GLIS1: variants seen among roughly 807,000 people sequenced by gnomAD.
GLIS1 encodes GLIS family zinc finger 1.
GLIS1 carries 24 observed loss-of-function variants against 63.8 expected under a neutral mutation model. That is an observed-to-expected ratio of 0.38 (90% CI 0.27 to 0.53). The LOEUF (loss-of-function observed/expected upper bound fraction) is 0.53, where lower values mean the gene tolerates loss of function less well. Among genes scored for constraint, GLIS1 ranks in the 20% least tolerant of loss-of-function variants. The probability of loss-of-function intolerance (pLI) is 0.85; values close to 1 mark genes in which losing one functional copy is unlikely to be tolerated. For synonymous variants in GLIS1, 450 were observed against 482.5 expected (o/e 0.93, Z 0.88); for missense variants, 1,036 against 1,074.1 (o/e 0.96, Z 0.50).
At chr1:53,737,698 G>A (rs1245136753) in intron 2 of GLIS1, 108 bp downstream of exon 2, 7 of 1,074,874 alleles carry the variant, frequency 6.5e-6, no homozygotes, top group Non-Finnish European at 2.4e-6. Flanking sequence ...GAGAAACTGA[G>A]GAACTCCGAA....
intron 2 of GLIS1, among the ~76,000 whole-genome samples, chr1:53,710,687 C>T (rs1646637914): frequency 6.6e-6 from 1 of 152,182 alleles, no homozygotes; most frequent in African/African-American, 2.4e-5. Flanking sequence ...GATGCACTCT[C>T]CGAGCTCCTC....
In GLIS1 at chr1:53,543,009, TCAGTGTAAGCCCCCCAAAACC is replaced by T. The variant is rs542869057; in HGVS notation, c.1321-13078_1321-13058del. Reference sequence around the variant, plus strand: ...TAAATGACTCTACGGGCCCCTTGGTTCAGTGTAAGCCCCCCAAAACCCAGAATTTGCATGCAACTATGAGAG... The same window carrying T: ...TAAATGACTCTACGGGCCCCTTGGTTCAGAATTTGCATGCAACTATGAGAG... On this transcript the variant is annotated intron_variant, in intron 4 of 10. Transcript: ENST00000628545. Among the ~76,000 whole-genome samples the T allele has an allele frequency of 4.9e-3, 748 of 152,306 alleles. 6 individuals are homozygous for T. The highest frequency in any genetic ancestry group is 0.018 in the African/African-American group (730 of 41,550).
chr1:53,633,478 T>G (rs1344198715), intron 2 of GLIS1, among the ~76,000 whole-genome samples: 1 of 130,108 alleles, frequency 7.7e-6, no homozygotes, highest in African/African-American at 2.8e-5. Flanking sequence ...GGCTGAGGGG[T>G]GTGTGAATGA....
intron 4 of GLIS1, among the ~76,000 whole-genome samples, chr1:53,550,680 C>T (rs17108782): frequency 0.22 from 32,825 of 151,842 alleles, 3,741 homozygotes; most frequent in Middle Eastern, 0.24. Context: ...AGTACCATGG[C>T]GCAATGGCAG....
intron 2 of GLIS1, among the ~76,000 whole-genome samples, chr1:53,693,717 G>T (rs1646433239): frequency 6.6e-6 from 1 of 152,158 alleles, no homozygotes; most frequent in Non-Finnish European, 1.5e-5. Context: ...GAAGAGGGGA[G>T]GGGATGGTGC....
chr1:53,507,149 C>T lies in GLIS1; in HGVS notation c.2231-373G>A, dbSNP rs529326504. Reference sequence around the variant, plus strand: ...GGCTGGTCCCCTCCTGGTAGAAGGACCAGCTCACCCCCACCCTTTCAGTTG... The same window carrying T: ...GGCTGGTCCCCTCCTGGTAGAAGGATCAGCTCACCCCCACCCTTTCAGTTG... On this transcript the variant is annotated intron_variant, in intron 10 of 10. Transcript: ENST00000628545. 3.3e-5 allele frequency among the ~76,000 whole-genome samples: 5 copies of T among 152,276 alleles called. No individual in the cohort carries two copies. In the East Asian group the frequency reaches 9.7e-4, roughly 29 times the overall value.
rs915973867 is a variant in GLIS1, at chr1:53,574,278, C to A, written c.1320+19830G>T. On this transcript the variant is annotated intron_variant, in intron 4 of 10. Coordinates refer to ENST00000628545, the MANE Select transcript of GLIS1 (RefSeq NM_001367484.1). The surrounding 1 kb of genome is among the most constrained non-coding windows in gnomAD (Gnocchi z 4.2). Reference sequence around the variant, plus strand: ...CACTGCCCCATCCAGCCTGCCTTCACCTCAGGTCCCATTCACTGCTCTGTC... The same window carrying A: ...CACTGCCCCATCCAGCCTGCCTTCAACTCAGGTCCCATTCACTGCTCTGTC... Among the ~76,000 whole-genome samples, 1 of 152,230 alleles carries A rather than the reference C, an allele frequency of 6.6e-6. No homozygotes were observed. The highest frequency in any genetic ancestry group is 1.5e-5 in the Non-Finnish European group (1 of 68,048).
chr1:53,639,922 G>T lies in GLIS1; in HGVS notation c.260-39644C>A, dbSNP rs548259501. ...TGGGTTCAAATCCCAAGTCTGATAC[G>T]TCACTGAGCCTCAGTTTATACTTCC... On this transcript the variant is annotated intron_variant, in intron 2 of 10. Coordinates refer to ENST00000628545, the MANE Select transcript of GLIS1 (RefSeq NM_001367484.1). This position sits in a 1 kb window ranked among gnomAD's most constrained non-coding sequence, Gnocchi z 4.6. 6.6e-6 allele frequency among the ~76,000 whole-genome samples: 1 copy of T among 152,126 alleles called. No individual in the cohort carries two copies. The highest frequency in any genetic ancestry group is 2.4e-5 in the African/African-American group (1 of 41,404).
At chr1:53,610,348 G>T (rs1645413045) in intron 2 of GLIS1, among the ~76,000 whole-genome samples, 2 of 152,070 alleles carry the variant, frequency 1.3e-5, no homozygotes, top group South Asian at 4.1e-4. Flanking sequence ...AAAATTGTAA[G>T]CCTACTGGCA....
intron 2 of GLIS1, among the ~76,000 whole-genome samples, chr1:53,702,337 A>G (rs927020380): frequency 2.0e-5 from 3 of 152,278 alleles, no homozygotes; most frequent in Non-Finnish European, 4.4e-5. Context: ...GGTGAAGAGC[A>G]GGTGAGCTGG....
intron 8 of GLIS1, among the ~76,000 whole-genome samples, chr1:53,512,815 G>A (rs775758237): frequency 1.3e-5 from 2 of 151,988 alleles, no homozygotes; most frequent in Non-Finnish European, 2.9e-5. Context: ...AGCAGCGAAC[G>A]GCCTTCGTGG....
At chr1:53,509,072 G>A (rs1259961504) in intron 10 of GLIS1, 48 bp downstream of exon 10, 2 of 1,497,056 alleles carry the variant, frequency 1.3e-6, no homozygotes, top group African/African-American at 2.8e-5. Flanking sequence ...GCACTGGGTT[G>A]AGCCTCGGCA....
chr1:53,592,287 C>T (rs1645199767), intron 4 of GLIS1, among the ~76,000 whole-genome samples: 1 of 152,178 alleles, frequency 6.6e-6, no homozygotes, highest in Non-Finnish European at 1.5e-5. Flanking sequence ...AACACAGATA[C>T]TCTTCTGGAT....
intron 2 of GLIS1, among the ~76,000 whole-genome samples, chr1:53,693,066 T>C (rs553260760): frequency 6.6e-6 from 1 of 152,300 alleles, no homozygotes; most frequent in African/African-American, 2.4e-5. Context: ...GGGTGCTTCG[T>C]CGAGACCTCG....
intron 4 of GLIS1, among the ~76,000 whole-genome samples, chr1:53,546,210 T>C (rs1644697041): frequency 6.6e-6 from 1 of 152,192 alleles, no homozygotes; most frequent in South Asian, 2.1e-4. Flanking sequence ...CTGGTGTAAT[T>C]AGATACTGGT....
chr1:53,597,281 G>A (rs528156948), intron 3 of GLIS1, among the ~76,000 whole-genome samples: 122 of 149,392 alleles, frequency 8.2e-4, no homozygotes, highest in African/African-American at 2.8e-3. Flanking sequence ...CCTGAGGCAG[G>A]AGAATGGCGT....
chr1:53,728,861 A>G (rs1203806565), intron 2 of GLIS1, among the ~76,000 whole-genome samples: 1 of 152,230 alleles, frequency 6.6e-6, no homozygotes, highest in Non-Finnish European at 1.5e-5. Flanking sequence ...TGCCAGATCA[A>G]AGGGCTCAGA....
intron 2 of GLIS1, among the ~76,000 whole-genome samples, chr1:53,709,902 A>C (rs1482006353): frequency 6.6e-6 from 1 of 152,158 alleles, no homozygotes; most frequent in Non-Finnish European, 1.5e-5. Context: ...TTGTTGGGAG[A>C]CTGGTGGAGG....
chr1:53,684,965 G>C (rs1646316507), intron 2 of GLIS1, among the ~76,000 whole-genome samples: 1 of 152,214 alleles, frequency 6.6e-6, no homozygotes, highest in African/African-American at 2.4e-5. Context: ...ACTCACGGGA[G>C]GGGAGATAAG....
Sources: gnomAD v4.1 joint callset for allele counts (sites outside exome capture counted in the v4.1 genomes callset) on GRCh38, gnomAD v4.1.1 for gene constraint, Gnocchi (gnomAD v3.1) non-coding constraint, MANE v1.5 for transcripts, NCBI Gene and HGNC (gene_info 2026-07-23, HGNC 2026-07-21) for gene names.